The following AUTS2 variants were observed in gnomAD, a reference collection of about 807,000 sequenced individuals.
The protein encoded by AUTS2 is activator of transcription and developmental regulator AUTS2, also known as autism susceptibility gene 2 protein.
Under a neutral mutation model 112.4 loss-of-function variants are expected in AUTS2, and 17 were observed. The ratio of observed to expected loss-of-function variants is 0.15; its 90% CI spans 0.10 to 0.23. AUTS2 has a LOEUF of 0.23. AUTS2 is among the 10% of genes least tolerant of loss of function. The pLI is 1.00. For missense variants in AUTS2, 1,510 were observed against 1,701.6 expected, an observed-to-expected ratio of 0.89 and a Z score of 1.98; for synonymous variants, 751 against 702.7, an observed-to-expected ratio of 1.07 and a Z score of -1.09.
At chr7:70,592,008 T>A (rs930084337) in intron 5 of AUTS2, among the ~76,000 whole-genome samples, 1 of 152,206 alleles carries the variant, frequency 6.6e-6, no homozygotes, top group Non-Finnish European at 1.5e-5. Flanking sequence ...ATGTTGCTGG[T>A]TATAAATGCA....
intron 5 of AUTS2, among the ~76,000 whole-genome samples, chr7:70,537,656 A>G (rs761919533): frequency 6.6e-6 from 1 of 152,194 alleles, no homozygotes; most frequent in Non-Finnish European, 1.5e-5. Flanking sequence ...TTAAGTGAGA[A>G]GTAGCGTGTG....
chr7:70,757,560 A>G (rs1043544664), intron 6 of AUTS2, among the ~76,000 whole-genome samples: 8 of 152,060 alleles, frequency 5.3e-5, no homozygotes, highest in African/African-American at 1.9e-4. Context: ...ATTATTGAGT[A>G]CTTTTTCCTT....
chr7:70,680,545 G>A (rs1284717521), intron 5 of AUTS2, among the ~76,000 whole-genome samples: 2 of 152,204 alleles, frequency 1.3e-5, no homozygotes, highest in Non-Finnish European at 2.9e-5. Context: ...CTACAGGTCA[G>A]TTCTTTGAAA....
At chr7:70,156,791 TATA>T in intron 4 of AUTS2, among the ~76,000 whole-genome samples, 1 of 146,574 alleles carries the variant, frequency 6.8e-6, no homozygotes, top group East Asian at 2.0e-4. Context: ...GGCTCATGCC[TATA>T]ATCCCAGCAC....
chr7:69,650,812 T>C (rs772609614), intron 1 of AUTS2, among the ~76,000 whole-genome samples: 61 of 152,342 alleles, frequency 4.0e-4, no homozygotes, highest in Admixed American at 2.0e-4. Context: ...TTTTTGCCTT[T>C]GTCCCTTGGG....
chr7:70,766,895 A>T lies in AUTS2; in HGVS notation c.1689+561A>T, dbSNP rs185042655. Among the ~76,000 whole-genome samples, 29 of 152,368 alleles carry T rather than the reference A, an allele frequency of 1.9e-4. No individual in the cohort carries two copies. Among genetic ancestry groups the T allele is most frequent in the African/African-American group, 7.0e-4 (29 of 41,582 alleles). On this transcript the variant is annotated intron_variant, in intron 9 of 18. Coordinates refer to ENST00000342771, the MANE Select transcript of AUTS2 (RefSeq NM_015570.4). The surrounding 1 kb of genome is among the most constrained non-coding windows in gnomAD (Gnocchi z 4.8). Reference sequence around the variant, plus strand: ...CCCTAATCTGGTATTGTGCTCTGTCAGCCAGTGTTCAGGGATCCCCGCAGG... The same window carrying T: ...CCCTAATCTGGTATTGTGCTCTGTCTGCCAGTGTTCAGGGATCCCCGCAGG...
At chr7:70,300,885 C>T (rs2129613456) in intron 4 of AUTS2, among the ~76,000 whole-genome samples, 1 of 152,226 alleles carries the variant, frequency 6.6e-6, no homozygotes. Context: ...AAGGATATTG[C>T]ATAGATTGTA....
intron 2 of AUTS2, among the ~76,000 whole-genome samples, chr7:70,002,430 T>TAAGA (rs2129552902): frequency 6.6e-6 from 1 of 152,294 alleles, no homozygotes; most frequent in African/African-American, 2.4e-5. Context: ...GGCTCTATCT[T>TAAGA]ATCCAGATTT....
At chr7:70,354,236 C>T (rs895099574) in intron 4 of AUTS2, among the ~76,000 whole-genome samples, 12 of 152,170 alleles carry the variant, frequency 7.9e-5, no homozygotes, top group Admixed American at 3.9e-4. Context: ...TCTTCAAGGC[C>T]CATTTTGCTT....
chr7:70,325,957 A>T (rs1046390918), intron 4 of AUTS2, among the ~76,000 whole-genome samples: 3 of 152,196 alleles, frequency 2.0e-5, no homozygotes, highest in African/African-American at 7.2e-5. Context: ...TCAGCAATCA[A>T]ACTGTTCATT....
chr7:70,730,191 A>G (rs1353498472), intron 6 of AUTS2, among the ~76,000 whole-genome samples: 1 of 151,322 alleles, frequency 6.6e-6, no homozygotes, highest in East Asian at 2.0e-4. Context: ...CTGTTTGCCC[A>G]TTATTAAGCA....
At chr7:70,236,080 T>C (rs1391355061) in intron 4 of AUTS2, among the ~76,000 whole-genome samples, 1 of 152,218 alleles carries the variant, frequency 6.6e-6, no homozygotes, top group Non-Finnish European at 1.5e-5. Flanking sequence ...CAGACTAGAA[T>C]GTCAGGTCCC....
chr7:70,717,421 G>A (rs987750819), intron 6 of AUTS2, among the ~76,000 whole-genome samples: 1 of 152,058 alleles, frequency 6.6e-6, no homozygotes, highest in South Asian at 2.1e-4. Flanking sequence ...GGCCTCAGGC[G>A]ATTAATCCTC....
At chr7:70,718,339 A>G (rs1315226326) in intron 6 of AUTS2, among the ~76,000 whole-genome samples, 1 of 152,120 alleles carries the variant, frequency 6.6e-6, no homozygotes, top group Non-Finnish European at 1.5e-5. Context: ...TATTTCTCCC[A>G]GTCTCTTAAG....
intron 5 of AUTS2, among the ~76,000 whole-genome samples, chr7:70,662,784 T>C (rs1387501287): frequency 6.6e-6 from 1 of 152,090 alleles, no homozygotes; most frequent in African/African-American, 2.4e-5. Context: ...AGCAGCAGGG[T>C]TGGGAGTTAG....
At chr7:70,533,573 A>T (rs1488830974) in intron 5 of AUTS2, among the ~76,000 whole-genome samples, 1 of 152,318 alleles carries the variant, frequency 6.6e-6, no homozygotes, top group Admixed American at 6.5e-5. Flanking sequence ...TTTTCTGTTC[A>T]GCTGTCCCTT....
At chr7:70,352,222 C>A (rs1735218112) in intron 4 of AUTS2, among the ~76,000 whole-genome samples, 2 of 152,264 alleles carry the variant, frequency 1.3e-5, no homozygotes, top group African/African-American at 4.8e-5. Context: ...ATGCTCTTAA[C>A]CCCTGCACTG....
chr7:70,518,718 G>A (rs1799522586), intron 5 of AUTS2, among the ~76,000 whole-genome samples: 2 of 150,586 alleles, frequency 1.3e-5, no homozygotes, highest in Admixed American at 1.3e-4. Context: ...TTGTTTGTTT[G>A]TTTGAGACAG....
At chr7:70,665,443 C>CTATTTCTCTATT (rs1807286731) in intron 5 of AUTS2, among the ~76,000 whole-genome samples, 7 of 104,630 alleles carry the variant, frequency 6.7e-5, no homozygotes, top group Admixed American at 6.1e-4. Context: ...ATTTATTTAT[C>CTATTTCTCTATT]TATTTATCTA....
Sources: gnomAD v4.1 joint callset for allele counts (sites outside exome capture counted in the v4.1 genomes callset) on GRCh38, gnomAD v4.1.1 for gene constraint, Gnocchi (gnomAD v3.1) non-coding constraint, MANE v1.5 for transcripts, NCBI Gene and HGNC (gene_info 2026-07-23, HGNC 2026-07-21) for gene names.